The following CADM2 variants were observed in gnomAD, a reference collection of about 807,000 sequenced individuals.
CADM2 encodes cell adhesion molecule 2.
In CADM2, 12 loss-of-function variants were observed where a neutral mutation model predicts 49.8. The observed-to-expected ratio is 0.24, with a 90% CI of 0.15 to 0.39. The LOEUF (loss-of-function observed/expected upper bound fraction) is 0.39, where lower values mean the gene tolerates loss of function less well. Ranked by LOEUF, CADM2 falls within the 10% of genes least tolerant of loss-of-function variation. The probability of loss-of-function intolerance (pLI) is 1.00; values close to 1 mark genes in which losing one functional copy is unlikely to be tolerated. For synonymous variants in CADM2, 214 were observed against 175.4 expected (o/e 1.22, Z -1.74); for missense variants, 378 against 492.3 (o/e 0.77, Z 2.20).
At chr3:85,601,149 T>TAC (rs2063386630) in intron 1 of CADM2, among the ~76,000 whole-genome samples, 7 of 124,120 alleles carry the variant, frequency 5.6e-5, no homozygotes, top group African/African-American at 2.3e-4. Context: ...TATATATATA[T>TAC]ATATATATAT....
chr3:86,061,592 C>T (rs1738657114), intron 8 of CADM2, among the ~76,000 whole-genome samples: 1 of 151,966 alleles, frequency 6.6e-6, no homozygotes, highest in Non-Finnish European at 1.5e-5. Flanking sequence ...AATCTTATTG[C>T]AAAAGTGTTT....
intron 1 of CADM2, among the ~76,000 whole-genome samples, chr3:85,045,061 G>C (rs1248923975): frequency 2.0e-5 from 3 of 151,944 alleles, no homozygotes. Flanking sequence ...ATTGTTTATT[G>C]TTGGTTTCCA....
chr3:85,322,908 T>C (rs2107114254), intron 1 of CADM2, among the ~76,000 whole-genome samples: 1 of 152,248 alleles, frequency 6.6e-6, no homozygotes. Context: ...CACTTGCATA[T>C]CCAGATACTT....
chr3:85,856,818 A>G (rs2075334694), intron 3 of CADM2, among the ~76,000 whole-genome samples: 1 of 148,234 alleles, frequency 6.7e-6, no homozygotes, highest in Non-Finnish European at 1.5e-5. Flanking sequence ...TTTAAGATAA[A>G]TAAAGAGTCA....
chr3:85,494,874 G>A (rs568549711), intron 1 of CADM2, among the ~76,000 whole-genome samples: 1 of 152,266 alleles, frequency 6.6e-6, no homozygotes, highest in South Asian at 2.1e-4. Context: ...CTATGCTGAT[G>A]TCACAATGCG....
chr3:85,106,357 G>A (rs1204128474), intron 1 of CADM2, among the ~76,000 whole-genome samples: 1 of 152,126 alleles, frequency 6.6e-6, no homozygotes, highest in African/African-American at 2.4e-5. Context: ...AAGGCAAATA[G>A]CTAAGGAGGA....
chr3:85,279,741 G>A (rs898225437), intron 1 of CADM2, among the ~76,000 whole-genome samples: 3 of 151,284 alleles, frequency 2.0e-5, no homozygotes, highest in Non-Finnish European at 4.4e-5. Context: ...GCAATATTTG[G>A]TATTCTCACC....
At chr3:85,948,099 A>G (rs1722959621) in intron 7 of CADM2, among the ~76,000 whole-genome samples, 1 of 151,592 alleles carries the variant, frequency 6.6e-6, no homozygotes, top group African/African-American at 2.4e-5. Flanking sequence ...ATTTTTAAAA[A>G]TACATTAATT....
At chr3:85,239,619 T>C (rs2042484694) in intron 1 of CADM2, among the ~76,000 whole-genome samples, 1 of 151,632 alleles carries the variant, frequency 6.6e-6, no homozygotes, top group Non-Finnish European at 1.5e-5. Flanking sequence ...TGGATCATTC[T>C]ATTCTTAAGA....
intron 3 of CADM2, among the ~76,000 whole-genome samples, chr3:85,854,767 C>T (rs1388970017): frequency 6.6e-6 from 1 of 152,100 alleles, no homozygotes; most frequent in Non-Finnish European, 1.5e-5. Context: ...TATCCCAGAA[C>T]TTAAAGTATA....
chr3:85,921,701 A>G (rs967288418), intron 6 of CADM2, among the ~76,000 whole-genome samples: 3 of 151,912 alleles, frequency 2.0e-5, no homozygotes, highest in Non-Finnish European at 1.5e-5. Context: ...TTCACTCTGC[A>G]TTGTGTAGTT....
intron 2 of CADM2, among the ~76,000 whole-genome samples, chr3:85,769,419 A>C (rs1318256716): frequency 1.9e-5 from 2 of 107,030 alleles, no homozygotes; most frequent in Non-Finnish European, 3.5e-5. Context: ...ACGTATATAC[A>C]TATATACATA....
At chr3:85,117,738 A>G (rs2038693813) in intron 1 of CADM2, among the ~76,000 whole-genome samples, 1 of 152,156 alleles carries the variant, frequency 6.6e-6, no homozygotes, top group African/African-American at 2.4e-5. Flanking sequence ...TTACACATGT[A>G]TTTTGTAAGG....
intron 7 of CADM2, among the ~76,000 whole-genome samples, chr3:85,939,428 C>T (rs1422232039): frequency 2.0e-5 from 3 of 150,764 alleles, no homozygotes; most frequent in African/African-American, 7.3e-5. Context: ...TCCCAGACAG[C>T]TTTCAGGCAG....
At chr3:85,072,848 T>G (rs1232686850) in intron 1 of CADM2, among the ~76,000 whole-genome samples, 1 of 151,772 alleles carries the variant, frequency 6.6e-6, no homozygotes, top group African/African-American at 2.4e-5. Flanking sequence ...AATGCAGAGG[T>G]TTTTTTTATC....
chr3:85,772,532 C>A (rs2070147022), intron 2 of CADM2, among the ~76,000 whole-genome samples: 1 of 152,026 alleles, frequency 6.6e-6, no homozygotes, highest in East Asian at 1.9e-4. Flanking sequence ...AACTCAATTT[C>A]ACTTCTTTTG....
In CADM2 at chr3:85,677,482, T is replaced by G. The variant is rs141563335; in HGVS notation, c.62-49040T>G. Among the ~76,000 whole-genome samples the G allele has an allele frequency of 2.6e-5, 4 of 152,272 alleles. 1 individual carries two copies. The East Asian group carries it at 7.7e-4, about 29-fold the overall frequency. ...TATAGAATCAAGTATTTATTTGAAATTTATTGTTGTATACTATATGAAGTA... is the reference window on the plus strand; with the variant it reads ...TATAGAATCAAGTATTTATTTGAAAGTTATTGTTGTATACTATATGAAGTA... On this transcript the variant is annotated intron_variant, in intron 1 of 9. Transcript: ENST00000383699.
intron 1 of CADM2, among the ~76,000 whole-genome samples, chr3:85,706,419 A>G (rs1199539540): frequency 6.6e-6 from 1 of 152,148 alleles, no homozygotes; most frequent in African/African-American, 2.4e-5. Context: ...GTCTGCTTGC[A>G]ATATATGTTG....
chr3:85,713,254 C>T (rs1318029052), intron 1 of CADM2, among the ~76,000 whole-genome samples: 1 of 152,092 alleles, frequency 6.6e-6, no homozygotes, highest in African/African-American at 2.4e-5. Flanking sequence ...CCCGCTGCCA[C>T]GCGGGACTAA....
Sources: allele counts gnomAD v4.1 joint callset (sites outside exome capture counted in the v4.1 genomes callset), GRCh38; gene constraint gnomAD v4.1.1; transcripts MANE v1.5; gene names NCBI Gene and HGNC (gene_info 2026-07-23, HGNC 2026-07-21).